ASIC2: variants seen among roughly 807,000 people sequenced by gnomAD.
ASIC2 encodes the protein acid-sensing ion channel 2.
ASIC2 carries 25 observed loss-of-function variants against 57.3 expected under a neutral mutation model. The ratio of observed to expected loss-of-function variants is 0.44; its 90% CI spans 0.32 to 0.61. The LOEUF is 0.61. Among genes scored for constraint, ASIC2 ranks in the 20% least tolerant of loss-of-function variants. ASIC2 has a pLI of 0.06. For missense variants in ASIC2, 641 were observed against 738.1 expected (o/e 0.87, Z 1.52); for synonymous variants, 319 against 307.5 (o/e 1.04, Z -0.39).
chr17:33,667,107 G>A (rs766765573), intron 1 of ASIC2, among the ~76,000 whole-genome samples: 5 of 152,306 alleles, frequency 3.3e-5, no homozygotes, highest in African/African-American at 4.8e-5. Context: ...GTGAGATGGC[G>A]TGAGTCACTG....
chr17:34,013,814 G>A (rs966074826), intron 1 of ASIC2, among the ~76,000 whole-genome samples: 12 of 152,174 alleles, frequency 7.9e-5, no homozygotes, highest in Non-Finnish European at 1.0e-4. Context: ...ACATGTGCAT[G>A]CACTCTCCAG....
chr17:33,794,708 C>T (rs1911865983), intron 1 of ASIC2: 1 of 152,116 alleles, frequency 6.6e-6, no homozygotes, highest in Non-Finnish European at 1.5e-5. Flanking sequence ...CCAGCCTTGT[C>T]CACAGAGACA....
intron 1 of ASIC2, among the ~76,000 whole-genome samples, chr17:33,525,272 G>A (rs372676766): frequency 3.3e-5 from 5 of 152,214 alleles, no homozygotes; most frequent in Non-Finnish European, 7.3e-5. Flanking sequence ...GGGCGGACAC[G>A]AGAGAGTCAT....
chr17:33,780,042 C>T (rs1911403388), intron 1 of ASIC2, among the ~76,000 whole-genome samples: 1 of 134,596 alleles, frequency 7.4e-6, no homozygotes, highest in South Asian at 2.3e-4. Flanking sequence ...ATGATCTTAG[C>T]TCACTCCAAC....
At chr17:33,222,242 TTTAACA>T (rs1907714985) in intron 1 of ASIC2, among the ~76,000 whole-genome samples, 2 of 152,210 alleles carry the variant, frequency 1.3e-5, no homozygotes, top group Admixed American at 1.3e-4. Flanking sequence ...TGGAATATTA[TTTAACA>T]ATGAAAAATG....
chr17:33,065,302 G>C (rs1021818864), intron 3 of ASIC2, among the ~76,000 whole-genome samples: 3 of 151,856 alleles, frequency 2.0e-5, no homozygotes, highest in Non-Finnish European at 2.9e-5. Context: ...TCAGCCCCCT[G>C]AGTAGCTGGG....
At chr17:33,151,806 C>T (rs774520761) in intron 1 of ASIC2, among the ~76,000 whole-genome samples, 10 of 152,106 alleles carry the variant, frequency 6.6e-5, no homozygotes, top group Admixed American at 2.0e-4. Context: ...TTCCCAGCCG[C>T]GGAACTGTAA....
intron 1 of ASIC2, among the ~76,000 whole-genome samples, chr17:33,271,741 G>C (rs1904500549): frequency 6.6e-6 from 1 of 152,190 alleles, no homozygotes; most frequent in African/African-American, 2.4e-5. Flanking sequence ...TTCCTAACTT[G>C]TCATCCAGCC....
intron 1 of ASIC2, among the ~76,000 whole-genome samples, chr17:33,307,340 T>C (rs1436150005): frequency 4.6e-5 from 7 of 151,740 alleles, no homozygotes; most frequent in Non-Finnish European, 8.8e-5. Context: ...GGAGTCTCAC[T>C]CTGTTGCCTA....
At chr17:33,160,717 A>G (rs760257790) in intron 1 of ASIC2, among the ~76,000 whole-genome samples, 4 of 152,184 alleles carry the variant, frequency 2.6e-5, no homozygotes, top group Non-Finnish European at 4.4e-5. Flanking sequence ...GTTGATGGGA[A>G]GATGGCTGGG....
intron 1 of ASIC2, among the ~76,000 whole-genome samples, chr17:34,040,294 C>T (rs1195622603): frequency 6.7e-6 from 1 of 149,952 alleles, no homozygotes; most frequent in Admixed American, 6.6e-5. Flanking sequence ...GGACCTGCCT[C>T]CGGCCCCTTA....
intron 1 of ASIC2, among the ~76,000 whole-genome samples, chr17:33,491,357 G>C (rs979011011): frequency 6.6e-6 from 1 of 152,168 alleles, no homozygotes; most frequent in African/African-American, 2.4e-5. Flanking sequence ...GGATTTACCA[G>C]TCCCTGCCTT....
intron 1 of ASIC2, among the ~76,000 whole-genome samples, chr17:33,597,069 G>C (rs1365229880): frequency 6.6e-6 from 1 of 152,206 alleles, no homozygotes; most frequent in African/African-American, 2.4e-5. Flanking sequence ...ACAGCCAAAG[G>C]CTTCATGACA....
chr17:33,591,521 A>G (rs1904824006), intron 1 of ASIC2, among the ~76,000 whole-genome samples: 1 of 152,204 alleles, frequency 6.6e-6, no homozygotes, highest in Non-Finnish European at 1.5e-5. Flanking sequence ...TAGAGTATGT[A>G]GCAGACAGCT....
intron 1 of ASIC2, among the ~76,000 whole-genome samples, chr17:33,239,761 A>G (rs528520095): frequency 2.0e-5 from 3 of 152,190 alleles, no homozygotes; most frequent in Non-Finnish European, 2.9e-5. Flanking sequence ...AAACCATCCC[A>G]AATTCAAATA....
intron 1 of ASIC2, among the ~76,000 whole-genome samples, chr17:33,432,443 C>T (rs1227806092): frequency 8.5e-5 from 13 of 152,102 alleles, no homozygotes; most frequent in African/African-American, 1.9e-4. Context: ...TTGGGAGGAT[C>T]GCTTGAGCCC....
intron 1 of ASIC2, among the ~76,000 whole-genome samples, chr17:34,109,927 T>C (rs960023573): frequency 4.6e-5 from 7 of 152,022 alleles, no homozygotes; most frequent in African/African-American, 7.2e-5. Context: ...ACTAGGTATA[T>C]GCGTGTGTGT....
chr17:33,190,007 A>G (rs319785), intron 1 of ASIC2, among the ~76,000 whole-genome samples: 114,896 of 152,096 alleles, frequency 0.76, 44,536 homozygotes, highest in African/African-American at 0.94. Context: ...CACCACATGT[A>G]TTCAGCATTG....
intron 1 of ASIC2, among the ~76,000 whole-genome samples, chr17:33,513,448 T>C (rs1224858818): frequency 6.6e-6 from 1 of 152,260 alleles, no homozygotes; most frequent in East Asian, 1.9e-4. Context: ...CTTCTGTTTT[T>C]ATTTCTTCTT....
Sources: gnomAD v4.1 joint callset for allele counts (sites outside exome capture counted in the v4.1 genomes callset) on GRCh38, gnomAD v4.1.1 for gene constraint, MANE v1.5 for transcripts, NCBI Gene and HGNC (gene_info 2026-07-23, HGNC 2026-07-21) for gene names.